The following CNTN5 variants were observed in gnomAD, a reference collection of about 807,000 sequenced individuals.
CNTN5 encodes the protein contactin 5.
CNTN5 carries 77 observed loss-of-function variants against 129.1 expected under a neutral mutation model. The ratio of observed to expected loss-of-function variants is 0.60; its 90% confidence interval spans 0.50 to 0.72. The LOEUF is 0.72. Among genes scored for constraint, CNTN5 ranks in the 30% least tolerant of loss-of-function variants. The pLI is 0.00. For missense variants in CNTN5, 1,478 were observed against 1,328.8 expected (o/e 1.11, Z -1.75); for synonymous variants, 509 against 465.6 (o/e 1.09, Z -1.20).
chr11:99,731,986 C>G (rs1336001471), intron 3 of CNTN5, among the ~76,000 whole-genome samples: 2 of 152,024 alleles, frequency 1.3e-5, no homozygotes, highest in Non-Finnish European at 2.9e-5. Flanking sequence ...ATATAAATGC[C>G]CATTTGAGAT....
intron 3 of CNTN5, among the ~76,000 whole-genome samples, chr11:99,790,456 G>A (rs1591184327): frequency 1.3e-5 from 2 of 152,142 alleles, no homozygotes; most frequent in South Asian, 4.1e-4. Flanking sequence ...GTTGGCTTAG[G>A]ATAATGGCCT....
chr11:100,026,919 C>G (rs1378653065), intron 9 of CNTN5, among the ~76,000 whole-genome samples: 1 of 151,626 alleles, frequency 6.6e-6, no homozygotes, highest in Non-Finnish European at 1.5e-5. Context: ...ATGGATTATG[C>G]CTTTGATAGT....
At chr11:100,325,444 C>A (rs1951771419) in intron 21 of CNTN5, among the ~76,000 whole-genome samples, 1 of 152,142 alleles carries the variant, frequency 6.6e-6, no homozygotes, top group South Asian at 2.1e-4. Flanking sequence ...GTCCTCACTG[C>A]AATCACAGTG....
At chr11:99,139,190 C>T (rs2135456677) in intron 1 of CNTN5, among the ~76,000 whole-genome samples, 1 of 147,376 alleles carries the variant, frequency 6.8e-6, no homozygotes, top group East Asian at 2.1e-4. Context: ...TTGCTTGAGC[C>T]TGGGAGGTGG....
At chr11:99,945,727 C>T (rs1950540996) in intron 7 of CNTN5, among the ~76,000 whole-genome samples, 1 of 151,954 alleles carries the variant, frequency 6.6e-6, no homozygotes, top group South Asian at 2.1e-4. Flanking sequence ...AATATTCAAG[C>T]ACGTTTTTGC....
At chr11:99,584,754 T>A (rs904202087) in intron 3 of CNTN5, among the ~76,000 whole-genome samples, 2 of 152,360 alleles carry the variant, frequency 1.3e-5, no homozygotes, top group African/African-American at 4.8e-5. Context: ...TGCTTTCATT[T>A]GAGATTGTGT....
At chr11:100,013,979 T>C (rs1353009262) in intron 9 of CNTN5, among the ~76,000 whole-genome samples, 1 of 152,178 alleles carries the variant, frequency 6.6e-6, no homozygotes, top group East Asian at 1.9e-4. Context: ...AATATAGTCA[T>C]ATTTGTATTA....
At chr11:99,357,045 A>C (rs1938723450) in intron 2 of CNTN5, among the ~76,000 whole-genome samples, 1 of 152,236 alleles carries the variant, frequency 6.6e-6, no homozygotes, top group African/African-American at 2.4e-5. Context: ...ATTTTTCTTT[A>C]GTATAATGTT....
At chr11:100,060,421 C>T (rs75768955) in intron 9 of CNTN5, among the ~76,000 whole-genome samples, 6,340 of 151,892 alleles carry the variant, frequency 0.042, 445 homozygotes, top group African/African-American at 0.14. Context: ...AGAAATATTA[C>T]ATGTGTGAAC....
At chr11:99,507,637 C>A (rs554118118) in intron 2 of CNTN5, among the ~76,000 whole-genome samples, 126 of 152,158 alleles carry the variant, frequency 8.3e-4, no homozygotes, top group African/African-American at 2.9e-3. Context: ...TTATACATAA[C>A]ATTTAGATAT....
intron 13 of CNTN5, among the ~76,000 whole-genome samples, chr11:100,107,485 ATTCTT>A (rs1945483865): frequency 7.3e-6 from 1 of 136,388 alleles, no homozygotes; most frequent in Admixed American, 7.4e-5. Context: ...CAACTATAGT[ATTCTT>A]TTTTTTTTTT....
intron 3 of CNTN5, among the ~76,000 whole-genome samples, chr11:99,678,990 TA>T (rs1953426662): frequency 6.8e-6 from 1 of 147,822 alleles, no homozygotes; most frequent in Non-Finnish European, 1.5e-5. Flanking sequence ...TAAAATTCCA[TA>T]AATATACATA....
chr11:99,273,527 G>T (rs1043054087), intron 1 of CNTN5, among the ~76,000 whole-genome samples: 1 of 151,498 alleles, frequency 6.6e-6, no homozygotes, highest in Non-Finnish European at 1.5e-5. Context: ...AAAGCCGATC[G>T]GAATGAGAAA....
intron 15 of CNTN5, among the ~76,000 whole-genome samples, chr11:100,195,834 CAAAGAATGG>C (rs1948624353): frequency 6.6e-6 from 1 of 151,908 alleles, no homozygotes; most frequent in Non-Finnish European, 1.5e-5. Context: ...AATAAAAAGG[CAAAGAATGG>C]AAAGAACAAC....
intron 1 of CNTN5, among the ~76,000 whole-genome samples, chr11:99,104,977 T>C (rs1257082246): frequency 6.6e-6 from 1 of 152,204 alleles, no homozygotes; most frequent in East Asian, 1.9e-4. Flanking sequence ...AATTGCCCTC[T>C]GTTAATCAAT....
At chr11:99,283,546 C>T (rs1438436599) in intron 1 of CNTN5, among the ~76,000 whole-genome samples, 2 of 151,940 alleles carry the variant, frequency 1.3e-5, no homozygotes, top group South Asian at 4.2e-4. Context: ...TTTTGTCAAG[C>T]CTAAATTAAA....
At chr11:99,773,715 C>T (rs1822165) in intron 3 of CNTN5, among the ~76,000 whole-genome samples, 87,544 of 151,724 alleles carry the variant, frequency 0.58, 26,030 homozygotes, top group East Asian at 0.67. Context: ...CAATTAAATG[C>T]GAACGTTTAA....
intron 9 of CNTN5, among the ~76,000 whole-genome samples, chr11:100,034,930 T>A (rs1268509943): frequency 6.6e-6 from 1 of 152,156 alleles, no homozygotes; most frequent in East Asian, 1.9e-4. Flanking sequence ...ATAGTGCTAG[T>A]GAAGCAACAA....
chr11:100,341,140 C>A lies in CNTN5; in HGVS notation c.2965C>A (p.Gln989Lys). The change falls in exon 23 of 25, where the codon CAG becomes AAG. Residue 989 changes from glutamine (Q) to lysine (K), a missense_variant. Gln to Lys is a moderately conservative substitution (Grantham distance 53, BLOSUM62 1). Transcript: ENST00000524871. Reference protein sequence around the residue: ...SNLRWEQQGSQVSLGWEPVIP... With the variant: ...SNLRWEQQGSKVSLGWEPVIP... Reference sequence around the variant, plus strand: ...CCTCAGGTGGGAGCAGCAAGGCTCTCAGGTTTCTCTGGGCTGGGAACCCGT... The same window carrying A: ...CCTCAGGTGGGAGCAGCAAGGCTCTAAGGTTTCTCTGGGCTGGGAACCCGT... 6.2e-7 allele frequency: 1 copy of A among 1,613,916 alleles called. No individual in the cohort carries two copies. Among genetic ancestry groups the A allele is most frequent in the Non-Finnish European group, 8.5e-7 (1 of 1,179,812 alleles).
Sources: allele counts gnomAD v4.1 joint callset (sites outside exome capture counted in the v4.1 genomes callset), GRCh38; gene constraint gnomAD v4.1.1; transcripts MANE v1.5; gene names NCBI Gene and HGNC (gene_info 2026-07-23, HGNC 2026-07-21).